The following PCDH15 variants were observed in gnomAD, a reference collection of about 807,000 sequenced individuals.
PCDH15 encodes the protein protocadherin related 15.
In PCDH15, 129 loss-of-function variants were observed where a neutral mutation model predicts 178.5. That is an observed-to-expected ratio of 0.72 (90% CI 0.63 to 0.84). PCDH15 has a LOEUF of 0.84. Ranked by LOEUF, PCDH15 falls within the 40% of genes least tolerant of loss-of-function variation. The pLI, the probability that PCDH15 is intolerant of heterozygous loss-of-function variation, is 0.00. For synonymous variants in PCDH15, 800 were observed against 732.0 expected (o/e 1.09, Z -1.50); for missense variants, 2,230 against 2,099.9 (o/e 1.06, Z -1.21).
chr10:54,034,750 T>G (rs1025844183), intron 18 of PCDH15, among the ~76,000 whole-genome samples: 1 of 151,908 alleles, frequency 6.6e-6, no homozygotes, highest in Non-Finnish European at 1.5e-5. Flanking sequence ...TACCTTCCTG[T>G]GTGCTACTAT....
chr10:55,563,228 T>A (rs994784250), intron 2 of PCDH15, among the ~76,000 whole-genome samples: 1 of 151,882 alleles, frequency 6.6e-6, no homozygotes, highest in African/African-American at 2.4e-5. Context: ...TAAAACCCAC[T>A]CTTCCTGGCT....
chr10:55,596,599 A>G (rs956581259), intron 2 of PCDH15, among the ~76,000 whole-genome samples: 4 of 152,140 alleles, frequency 2.6e-5, no homozygotes, highest in Non-Finnish European at 5.9e-5. Flanking sequence ...TATAATATTC[A>G]AAGTATTAAA....
intron 8 of PCDH15, among the ~76,000 whole-genome samples, chr10:54,284,813 AAG>A (rs1225524838): frequency 6.6e-6 from 1 of 152,140 alleles, no homozygotes; most frequent in African/African-American, 2.4e-5. Context: ...TTTGCCTTGA[AAG>A]AGAGAGTAAA....
intron 32 of PCDH15, chr10:53,821,966 A>G (rs1185407899): frequency 1.2e-6 from 2 of 1,613,894 alleles, no homozygotes; most frequent in South Asian, 1.1e-5. Context: ...TTACTTCTGA[A>G]GGGCACATAG....
chr10:54,593,481 C>G (rs1046301614), intron 2 of PCDH15, among the ~76,000 whole-genome samples: 1 of 152,072 alleles, frequency 6.6e-6, no homozygotes, highest in African/African-American at 2.4e-5. Context: ...CTGGTTTACT[C>G]TAAGTGCATG....
intron 1 of PCDH15, among the ~76,000 whole-genome samples, chr10:54,675,564 G>A (rs894389929): frequency 1.8e-4 from 27 of 150,372 alleles, no homozygotes; most frequent in Non-Finnish European, 3.0e-5. Flanking sequence ...TTCTGCCTAG[G>A]CATTTTCTCC....
chr10:55,351,868 G>A (rs1320042207), intron 2 of PCDH15, among the ~76,000 whole-genome samples: 1 of 152,086 alleles, frequency 6.6e-6, no homozygotes, highest in Non-Finnish European at 1.5e-5. Flanking sequence ...TGAATGTTAA[G>A]TCTCATTGCT....
In PCDH15 at chr10:55,513,085, C is replaced by T. The variant is rs543466177; in HGVS notation, c.-156+114540G>A. Reference sequence around the variant, plus strand: ...ACCACTGGCAAAAAGAGTAATAAGACGTAAAAAGTAATCGTTGAGCACATT... The same window carrying T: ...ACCACTGGCAAAAAGAGTAATAAGATGTAAAAAGTAATCGTTGAGCACATT... On this transcript the variant is annotated intron_variant, in intron 2 of 5. Transcript: ENST00000613346. The T allele has an allele frequency of 2.0e-5, 3 of 152,092 alleles. No homozygotes were observed. In the East Asian group the frequency reaches 5.8e-4, roughly 29 times the overall value. The allele number at this position is 152,092 out of a possible 1,614,324, so 9.4% of individuals were successfully genotyped here.
intron 3 of PCDH15, among the ~76,000 whole-genome samples, chr10:54,396,922 G>A (rs1215408358): frequency 2.6e-5 from 4 of 151,956 alleles, no homozygotes; most frequent in Non-Finnish European, 5.9e-5. Context: ...AAAATTTGAA[G>A]GAGGAGGACT....
At chr10:54,299,959 G>T (rs1016160474) in intron 8 of PCDH15, among the ~76,000 whole-genome samples, 6 of 152,130 alleles carry the variant, frequency 3.9e-5, no homozygotes, top group African/African-American at 7.2e-5. Context: ...TTTGCTAAAA[G>T]TTAACAGTGT....
At chr10:54,315,720 G>T (rs569078689) in intron 8 of PCDH15, among the ~76,000 whole-genome samples, 8 of 19,602 alleles carry the variant, frequency 4.1e-4, no homozygotes, top group South Asian at 1.2e-3. Context: ...GTATAAGGAG[G>T]GGGGGGTCCA....
intron 1 of PCDH15, among the ~76,000 whole-genome samples, chr10:54,771,263 A>C (rs1949058375): frequency 6.6e-6 from 1 of 152,190 alleles, no homozygotes; most frequent in Admixed American, 6.5e-5. Context: ...GCAAAGAGAA[A>C]GGAGGAAAAT....
chr10:54,683,840 A>G (rs1337800502), intron 1 of PCDH15, among the ~76,000 whole-genome samples: 1 of 152,124 alleles, frequency 6.6e-6, no homozygotes, highest in Non-Finnish European at 1.5e-5. Flanking sequence ...TATTTTGGGC[A>G]GTTTTCTGAA....
In PCDH15 at chr10:54,075,095, G is replaced by A. The variant is rs543093617; in HGVS notation, c.2091+4236C>T. Among the ~76,000 whole-genome samples the A allele has an allele frequency of 8.2e-4, 125 of 151,852 alleles. 1 individual carries two copies. The highest frequency in any genetic ancestry group is 6.8e-3 in the Middle Eastern group (2 of 294). On this transcript the variant is annotated intron_variant, in intron 17 of 37. Transcript: ENST00000644397. ...TTTTTGTTTTCTTTAAAAAATTCTC[G>A]GGCTGGGCGTGGTGGCTCACACCTG...
rs182415237 is a variant in PCDH15 at position 55,248,741 on chromosome 10, G to C, written c.-156+70858C>G. 1.1e-4 allele frequency among the ~76,000 whole-genome samples: 17 copies of C among 151,918 alleles called. No individual in the cohort carries two copies. The East Asian group carries it at 3.3e-3, about 29-fold the overall frequency. ...CCTGTTAATTTTCATATTTTTTGTA[G>C]AGACAGGGTTTTGCCATGTTGCCCA... On this transcript the variant is annotated intron_variant, in intron 1 of 5. Transcript: ENST00000458638.
chr10:54,867,930 T>C (rs1953967860), intron 3 of PCDH15, among the ~76,000 whole-genome samples: 1 of 152,182 alleles, frequency 6.6e-6, no homozygotes, highest in Non-Finnish European at 1.5e-5. Context: ...AATTCTTGTA[T>C]ACCTGAAAAT....
intron 2 of PCDH15, among the ~76,000 whole-genome samples, chr10:55,402,577 G>A (rs1241534007): frequency 6.6e-6 from 1 of 151,836 alleles, no homozygotes; most frequent in African/African-American, 2.4e-5. Flanking sequence ...TACAATTTTT[G>A]TCTTTCTGTG....
At chr10:54,747,190 C>A (rs961538990) in intron 1 of PCDH15, among the ~76,000 whole-genome samples, 2 of 152,162 alleles carry the variant, frequency 1.3e-5, no homozygotes, top group African/African-American at 4.8e-5. Context: ...TGTTTAGGTA[C>A]TACACACCAT....
At chr10:55,369,102 T>C (rs562689190) in intron 2 of PCDH15, among the ~76,000 whole-genome samples, 1 of 151,358 alleles carries the variant, frequency 6.6e-6, no homozygotes, top group African/African-American at 2.4e-5. Flanking sequence ...TCAGTTTCAG[T>C]TTTTCAGTTT....
Sources: gnomAD v4.1 joint callset for allele counts (sites outside exome capture counted in the v4.1 genomes callset) on GRCh38, gnomAD v4.1.1 for gene constraint, MANE v1.5 for transcripts, NCBI Gene and HGNC (gene_info 2026-07-23, HGNC 2026-07-21) for gene names.